Variants in TMTC2 observed in about 807,000 individuals in gnomAD.
TMTC2 encodes transmembrane O-mannosyltransferase targeting cadherins 2.
TMTC2 carries 43 observed loss-of-function variants against 82.4 expected under a neutral mutation model. That is an observed-to-expected ratio of 0.52 (90% CI 0.41 to 0.67). The LOEUF is 0.67. Ranked by LOEUF, TMTC2 falls within the 30% of genes least tolerant of loss-of-function variation. The pLI is 0.00. For synonymous variants in TMTC2, 408 were observed against 381.9 expected (o/e 1.07, Z -0.80); for missense variants, 919 against 1,012.4 (o/e 0.91, Z 1.25).
At chr12:83,126,837 A>G (rs1048187120) in intron 11 of TMTC2, among the ~76,000 whole-genome samples, 2 of 152,136 alleles carry the variant, frequency 1.3e-5, no homozygotes, top group African/African-American at 4.8e-5. Context: ...TTATCTTAAA[A>G]ACTTTAGTAA....
intron 2 of TMTC2, among the ~76,000 whole-genome samples, chr12:82,890,654 A>G (rs1873348573): frequency 6.6e-6 from 1 of 152,162 alleles, no homozygotes; most frequent in African/African-American, 2.4e-5. Flanking sequence ...AGTTTTTCTA[A>G]AAGCTCATAA....
chr12:83,049,329 G>A (rs1303600188), intron 9 of TMTC2, among the ~76,000 whole-genome samples: 1 of 152,078 alleles, frequency 6.6e-6, no homozygotes, highest in African/African-American at 2.4e-5. Flanking sequence ...CCACCCTCAA[G>A]TAGCTCCTCG....
At chr12:82,784,978 G>A (rs1878104171) in intron 1 of TMTC2, among the ~76,000 whole-genome samples, 3 of 151,834 alleles carry the variant, frequency 2.0e-5, no homozygotes, top group African/African-American at 7.3e-5. Context: ...GTGTCTTTTT[G>A]TTCAGTTTCC....
intron 1 of TMTC2, among the ~76,000 whole-genome samples, chr12:82,738,268 CTA>C (rs1195997505): frequency 2.0e-5 from 3 of 152,200 alleles, no homozygotes; most frequent in African/African-American, 7.2e-5. Context: ...AAAAGTGCAT[CTA>C]TCTTTACTGA....
intron 1 of TMTC2, among the ~76,000 whole-genome samples, chr12:82,703,222 C>T (rs1293763790): frequency 6.6e-6 from 1 of 151,936 alleles, no homozygotes; most frequent in African/African-American, 2.4e-5. Flanking sequence ...AAAGAACTAA[C>T]AAAAGACTAG....
intron 1 of TMTC2, among the ~76,000 whole-genome samples, chr12:82,809,917 T>C (rs1879411316): frequency 6.6e-6 from 1 of 152,166 alleles, no homozygotes; most frequent in Admixed American, 6.5e-5. Flanking sequence ...AAGGAAATAC[T>C]TACGGTATGG....
Position 82,997,221 on chromosome 12 carries a change from C to CTA in TMTC2, c.2070+11188_2070+11189dup, listed in dbSNP as rs1183203782. On this transcript the variant is annotated intron_variant, in intron 8 of 11. Coordinates refer to ENST00000321196, the MANE Select transcript of TMTC2 (RefSeq NM_152588.3). ...TCCCCCTCTCCCTCTCTCTCTCTCT[C>CTA]TATATATATATATAGTTATGTATAG... 9.8e-3 allele frequency among the ~76,000 whole-genome samples: 1,163 copies of CTA among 118,506 alleles called. 5 individuals carry two copies. Among genetic ancestry groups the CTA allele is most frequent in the Middle Eastern group, 0.027 (6 of 222 alleles). 77.7% of individuals were successfully genotyped at this position (118,506 alleles called of 152,430 possible).
intron 2 of TMTC2, among the ~76,000 whole-genome samples, chr12:82,889,432 C>T (rs182533333): frequency 3.3e-5 from 5 of 152,092 alleles, no homozygotes; most frequent in Admixed American, 2.6e-4. Context: ...ATAAGCTTTT[C>T]GAATAAAGGG....
intron 3 of TMTC2, among the ~76,000 whole-genome samples, chr12:82,917,671 G>A (rs1485014883): frequency 1.4e-5 from 2 of 141,662 alleles, no homozygotes; most frequent in Non-Finnish European, 3.1e-5. Flanking sequence ...GTACCATTTC[G>A]TCTCACTGCA....
chr12:83,107,149 T>G (rs1190241797), intron 11 of TMTC2, among the ~76,000 whole-genome samples: 2 of 152,236 alleles, frequency 1.3e-5, no homozygotes, highest in Non-Finnish European at 2.9e-5. Flanking sequence ...GACTTTGGAC[T>G]CATACTGACA....
intron 1 of TMTC2, among the ~76,000 whole-genome samples, chr12:82,773,606 G>A (rs1185520035): frequency 4.6e-5 from 7 of 151,912 alleles, no homozygotes; most frequent in African/African-American, 9.7e-5. Flanking sequence ...GATTACAGGC[G>A]TGTGCCACCA....
intron 8 of TMTC2, among the ~76,000 whole-genome samples, chr12:82,994,629 TAAAA>T (rs796451657): frequency 1.6e-5 from 2 of 123,904 alleles, no homozygotes; most frequent in Non-Finnish European, 1.8e-5. Context: ...CTTACAGAAC[TAAAA>T]AAAAAAAAAA....
chr12:82,715,873 T>C (rs960188794), intron 1 of TMTC2, among the ~76,000 whole-genome samples: 4 of 152,328 alleles, frequency 2.6e-5, no homozygotes, highest in Admixed American at 6.5e-5. Context: ...AAAGGTTCCC[T>C]GTGACTGTAT....
intron 8 of TMTC2, among the ~76,000 whole-genome samples, chr12:82,997,372 A>ATATATATGTGTATATATATATATGTG (rs1879697469): frequency 1.1e-5 from 1 of 87,176 alleles, no homozygotes; most frequent in Non-Finnish European, 2.3e-5. Flanking sequence ...ATATGTGTAT[A>ATATATATGTGTATATATATATATGTG]TATATATATG....
chr12:82,969,267 C>T (rs1018753354), intron 7 of TMTC2, among the ~76,000 whole-genome samples: 8 of 152,040 alleles, frequency 5.3e-5, no homozygotes, highest in African/African-American at 1.9e-4. Context: ...ATTATTAGTG[C>T]CCTTTAGGGA....
chr12:82,883,641 C>A (rs1198508703), intron 2 of TMTC2, among the ~76,000 whole-genome samples: 1 of 152,178 alleles, frequency 6.6e-6, no homozygotes, highest in Admixed American at 6.5e-5. Context: ...TAAAGCCACA[C>A]AGAGTTTAAA....
At position 82,687,569 on chromosome 12, in the gene TMTC2, A is replaced by T; in HGVS notation, c.-18A>T. ...GCCCTCGCGCTGGGAGCCGAGCCGG[A>T]GGGAAGGCGGTGGAGAGATGATTGC... is the stretch of plus-strand genomic sequence containing the variant. On this transcript the variant is annotated 5_prime_UTR_variant, in exon 1 of 12. Transcript: ENST00000321196. The T allele has an allele frequency of 6.3e-7, 1 of 1,589,594 alleles. No homozygotes were observed. Among genetic ancestry groups the T allele is most frequent in the Non-Finnish European group, 8.5e-7 (1 of 1,169,622 alleles).
At chr12:82,945,398 A>T (rs1025829934) in intron 4 of TMTC2, among the ~76,000 whole-genome samples, 8 of 152,222 alleles carry the variant, frequency 5.3e-5, no homozygotes, top group African/African-American at 1.9e-4. Context: ...GTTTTCATCC[A>T]GGACACTGTA....
intron 3 of TMTC2, among the ~76,000 whole-genome samples, chr12:82,911,510 G>A (rs1007041475): frequency 2.0e-5 from 3 of 152,096 alleles, no homozygotes; most frequent in Non-Finnish European, 4.4e-5. Context: ...TCATGTGCTT[G>A]CTCAAAATGA....
Sources: gnomAD v4.1 joint callset for allele counts (sites outside exome capture counted in the v4.1 genomes callset) on GRCh38, gnomAD v4.1.1 for gene constraint, MANE v1.5 for transcripts, NCBI Gene and HGNC (gene_info 2026-07-23, HGNC 2026-07-21) for gene names.